Variants in SEC16B observed in about 807,000 individuals in gnomAD.
SEC16B encodes protein transport protein Sec16B.
A neutral mutation model predicts 141.8 loss-of-function variants in SEC16B; 115 were observed. The observed-to-expected ratio is 0.81, with a 90% confidence interval of 0.70 to 0.95. The LOEUF is 0.95. SEC16B is among the 40% of genes least tolerant of loss of function. The pLI is 0.00. For missense variants in SEC16B, 1,291 were observed against 1,312.3 expected, an observed-to-expected ratio of 0.98 and a Z score of 0.25; for synonymous variants, 493 against 492.5, an observed-to-expected ratio of 1.00 and a Z score of -0.01.
intron 1 of SEC16B, among the ~76,000 whole-genome samples, chr1:177,983,954 C>T (rs551688241): frequency 4.6e-5 from 7 of 152,320 alleles, no homozygotes; most frequent in Middle Eastern, 3.4e-3. Context: ...TATGAAGGAA[C>T]TCCAAGGAGT....
rs1571309118 is a variant in SEC16B, at chr1:177,936,310, A to G, written c.2559T>C (p.Ile853=). Residue 853 remains isoleucine (I), a synonymous_variant, in exon 20 of 26, where the codon ATT becomes ATC. Coordinates refer to ENST00000308284, the MANE Select transcript of SEC16B (RefSeq NM_033127.4). ...TGTGCGCTCTCACCTGTGGTTTGGAAATGACCTCTTGGCCATCAGGAGGCT... is the reference window on the plus strand; with the variant it reads ...TGTGCGCTCTCACCTGTGGTTTGGAGATGACCTCTTGGCCATCAGGAGGCT... The part of the protein sequence containing the change: ...TSQPPDGQEV[I]SKPQTPLAAR... 1.2e-6 allele frequency: 2 copies of G among 1,610,514 alleles called. No individual in the cohort carries two copies. The highest frequency in any genetic ancestry group is 1.7e-6 in the Non-Finnish European group (2 of 1,178,556).
chr1:177,933,477 C>G lies in SEC16B; in HGVS notation c.2724+7G>C, dbSNP rs1161466284. On this transcript the variant is annotated splice_region_variant and intron_variant, in intron 21 of 25. Coordinates refer to ENST00000308284, the MANE Select transcript of SEC16B (RefSeq NM_033127.4). Reference sequence around the variant, plus strand: ...AAGGCAGGGGAGAGAAGAACAAGTCCCTCCACCTTTGTATGCTCCTTCCCA... The same window carrying G: ...AAGGCAGGGGAGAGAAGAACAAGTCGCTCCACCTTTGTATGCTCCTTCCCA... 4 of 1,611,746 alleles carry G rather than the reference C, an allele frequency of 2.5e-6. No homozygotes were observed. Among genetic ancestry groups the G allele is most frequent in the Non-Finnish European group, 3.4e-6 (4 of 1,178,832 alleles).
intron 1 of SEC16B, among the ~76,000 whole-genome samples, chr1:177,969,014 C>G (rs1372052207): frequency 6.6e-6 from 1 of 152,178 alleles, no homozygotes; most frequent in African/African-American, 2.4e-5. Context: ...GGGGTTGCAC[C>G]CACAAAAGGA....
Position 177,932,777 on chromosome 1 carries a change from C to G in SEC16B, c.2853G>C (p.Gln951His), listed in dbSNP as rs1347658026. The G allele has an allele frequency of 1.9e-6, 3 of 1,612,898 alleles. No homozygotes were observed. Among genetic ancestry groups the G allele is most frequent in the East Asian group, 2.2e-5 (1 of 44,852 alleles). Residue 951 changes from glutamine (Q) to histidine (H), a missense_variant, in exon 23 of 26, where the codon CAG becomes CAC. Transcript: ENST00000308284. ...GTGTCAGTGAGAGGCCCAGGCCAGC[C>G]TGGTGGGGAGAAGATGCTCTGGGGG... is the stretch of plus-strand genomic sequence containing the variant. ...EETPRASSPH[Q>H]AGLGLSLTPS...
chr1:177,972,914 G>A (rs1654020674), upstream of SEC16B, among the ~76,000 whole-genome samples: 1 of 152,174 alleles, frequency 6.6e-6, no homozygotes, highest in Non-Finnish European at 1.5e-5. Context: ...TCTCTGGTGT[G>A]TAAGAATACA....
rs200531270 is a variant in SEC16B at position 177,936,353 on chromosome 1, A to T, written c.2516T>A (p.Val839Glu). 2.5e-3 allele frequency: 3,977 copies of T among 1,609,640 alleles called. 16 individuals are homozygous for T. The highest frequency in any genetic ancestry group is 3.1e-3 in the Non-Finnish European group (3,648 of 1,177,964). Reference sequence around the variant, plus strand: ...AGGAGGCTGGGAAGTTTCTTGAGACACTGTGTTCTCTCCTGCATCACAAAC... The same window carrying T: ...AGGAGGCTGGGAAGTTTCTTGAGACTCTGTGTTCTCTCCTGCATCACAAAC... ...QTHLGPGENT[V>E]SQETSQPPDG... The change falls in exon 20 of 26, where the codon GTG becomes GAG. Residue 839 changes from valine (V) to glutamate (E), a missense_variant. Coordinates refer to ENST00000308284, the MANE Select transcript of SEC16B (RefSeq NM_033127.4).
intron 18 of SEC16B, among the ~76,000 whole-genome samples, chr1:177,937,870 C>T (rs895531202): frequency 3.9e-5 from 6 of 152,022 alleles, no homozygotes; most frequent in Non-Finnish European, 8.8e-5. Context: ...CCTCATTATA[C>T]CCCCTCTCTT....
rs760431318 is a variant in SEC16B at position 177,942,061 on chromosome 1, G to A, written c.1882-21C>T. On this transcript the variant is annotated intron_variant, in intron 15 of 25. Transcript: ENST00000308284. ...TACACCTGTGAAGAGAAAAGAGTCA[G>A]TGACTAGTCCATCCAGGCAGGGAGA... 5.0e-6 allele frequency: 8 copies of A among 1,603,866 alleles called. No individual in the cohort carries two copies. The South Asian group carries it at 5.6e-5, about 11-fold the overall frequency.
chr1:177,964,135 G>T, intron 5 of SEC16B, 36 bp downstream of exon 5: 1 of 1,480,032 alleles, frequency 6.8e-7, no homozygotes. Flanking sequence ...GCGACACATG[G>T]CCACAGTCTC....
In SEC16B at chr1:177,961,639, C is replaced by A; in HGVS notation, c.738G>T (p.Pro246=). 1 of 1,613,916 alleles carries A rather than the reference C, an allele frequency of 6.2e-7. No individual in the cohort carries two copies. The highest frequency in any genetic ancestry group is 8.5e-7 in the Non-Finnish European group (1 of 1,179,866). The part of the protein sequence containing the change: ...YELSQYIRDA[P]ERDDPPASAA... ...CTGAAGCTGGGGGATCATCCCGCTC[C>A]GGGGCATCTCTGATGTACTGACTGA... The change falls in exon 6 of 26, where the codon CCG becomes CCT. Residue 246 remains proline, a synonymous_variant. Coordinates refer to ENST00000308284, the MANE Select transcript of SEC16B (RefSeq NM_033127.4).
At chr1:177,951,502 A>C (rs539590668) in intron 12 of SEC16B, among the ~76,000 whole-genome samples, 1 of 152,326 alleles carries the variant, frequency 6.6e-6, no homozygotes, top group East Asian at 1.9e-4. Flanking sequence ...CCTCCAGAGA[A>C]AAGAAGGGCA....
chr1:177,968,039 C>T lies in SEC16B; in HGVS notation c.-58G>A, dbSNP rs761850692. 4.7e-6 allele frequency: 7 copies of T among 1,475,258 alleles called. No individual in the cohort carries two copies. Among genetic ancestry groups the T allele is most frequent in the Non-Finnish European group, 6.4e-6 (7 of 1,102,244 alleles). The allele number at this position is 1,475,258 out of a possible 1,614,324, so 91.4% of individuals were successfully genotyped here. ...GTAAGTTGTGCAGTTATTTTATCTT[C>T]CTGCAGACAAAAGAAAAAGGAAAAA... is the stretch of plus-strand genomic sequence containing the variant. On this transcript the variant is annotated splice_region_variant and 5_prime_UTR_variant, in exon 2 of 26. Coordinates refer to ENST00000308284, the MANE Select transcript of SEC16B (RefSeq NM_033127.4).
At chr1:177,976,365 C>A (rs1218607709) in intron 1 of SEC16B, among the ~76,000 whole-genome samples, 1 of 152,132 alleles carries the variant, frequency 6.6e-6, no homozygotes, top group African/African-American at 2.4e-5. Flanking sequence ...GACTTCTGAC[C>A]CCATGTCAAG....
Position 177,961,589 on chromosome 1 carries a change from C to T in SEC16B, c.787+1G>A, listed in dbSNP as rs1446899729. 1.2e-6 allele frequency: 2 copies of T among 1,606,856 alleles called. No homozygotes were observed. Among genetic ancestry groups the T allele is most frequent in the Admixed American group, 3.5e-5 (2 of 57,630 alleles). On this transcript the variant is annotated splice_donor_variant, in intron 6 of 25. Coordinates refer to ENST00000308284, the MANE Select transcript of SEC16B (RefSeq NM_033127.4). LOFTEE classifies it high-confidence loss of function. ...ACTCTTCTGATCATTTTAGAACCCA[C>T]CAGCCTGAACTGGACTCCAAGCTGC...
rs189094153 is a variant in SEC16B, at chr1:177,976,235, T to C, written c.-59+7971A>G. Among the ~76,000 whole-genome samples, 33 of 152,314 alleles carry C rather than the reference T, an allele frequency of 2.2e-4. 1 individual carries two copies. In the East Asian group the frequency reaches 6.4e-3, roughly 29 times the overall value. On this transcript the variant is annotated intron_variant and NMD_transcript_variant, in intron 1 of 24. Coordinates refer to the SEC16B transcript ENST00000528461. ...GTCTATCATTCAAGAAGAATGACTC[T>C]ATGCTTCCTTATTAGCCCTAGGCTG...
intron 2 of SEC16B, 46 bp downstream of exon 2, chr1:177,967,637 T>C (rs996326199): frequency 2.0e-6 from 3 of 1,484,170 alleles, no homozygotes; most frequent in East Asian, 2.3e-5. Context: ...AACCTATTCA[T>C]ACGCATTTAG....
At chr1:177,941,720 G>A (rs1651286174) in intron 16 of SEC16B, among the ~76,000 whole-genome samples, 180 bp downstream of exon 16, 1 of 152,186 alleles carries the variant, frequency 6.6e-6, no homozygotes, top group Non-Finnish European at 1.5e-5. Flanking sequence ...ATCCTTCTTT[G>A]TGTAGTGTTG....
intron 25 of SEC16B, among the ~76,000 whole-genome samples, 175 bp downstream of exon 25, chr1:177,930,370 C>G (rs556871074): frequency 6.6e-6 from 1 of 152,322 alleles, no homozygotes; most frequent in South Asian, 2.1e-4. Flanking sequence ...ATACATATCT[C>G]TGAGCTAGCT....
At chr1:177,936,582 CA>C (rs1650862403) in intron 19 of SEC16B, among the ~76,000 whole-genome samples, 1 of 152,288 alleles carries the variant, frequency 6.6e-6, no homozygotes, top group Non-Finnish European at 1.5e-5. Context: ...CCTCTACTTC[CA>C]AAGCCACTCT....
Sources: gnomAD v4.1 joint callset for allele counts (sites outside exome capture counted in the v4.1 genomes callset) on GRCh38, gnomAD v4.1.1 for gene constraint, MANE v1.5 for transcripts, NCBI Gene and HGNC (gene_info 2026-07-23, HGNC 2026-07-21) for gene names.